CNKSR2: variants seen among roughly 807,000 people sequenced by gnomAD.
The protein encoded by CNKSR2 is CNK homolog protein 2.
In CNKSR2, 14 loss-of-function variants were observed where a neutral mutation model predicts 84.4. That is an observed-to-expected ratio of 0.17 (90% CI 0.11 to 0.26). CNKSR2 has a LOEUF of 0.26. Among genes scored for constraint, CNKSR2 ranks in the 10% least tolerant of loss-of-function variants. CNKSR2 has a pLI of 1.00. For synonymous variants in CNKSR2, 275 were observed against 277.9 expected (o/e 0.99, Z 0.10); for missense variants, 485 against 771.2 (o/e 0.63, Z 4.40).
At chrX:21,405,516 C>CT (rs2090252048) in intron 1 of CNKSR2, among the ~76,000 whole-genome samples, 2 of 111,148 alleles carry the variant, frequency 1.8e-5, no homozygotes, top group South Asian at 7.5e-4. Flanking sequence ...AATAAACTTG[C>CT]TTATTGTTCT....
In CNKSR2 at chrX:21,487,452, A is replaced by G. The variant is rs1218574891; in HGVS notation, c.562-3007A>G. The stretch of plus-strand genomic sequence containing the variant: ...AGAGAGCCATTTATATACATCCATT[A>G]CTTTCCTATTTATGTATTGGACTCT... On this transcript the variant is annotated intron_variant, in intron 5 of 21. Transcript: ENST00000379510. 4.5e-5 allele frequency among the ~76,000 whole-genome samples: 5 copies of G among 111,764 alleles called. No individual in the cohort carries two copies. In the South Asian group the frequency reaches 1.9e-3, roughly 42 times the overall value.
rs1177656336 is a variant in CNKSR2 at position 21,434,226 on chromosome X, T to C, written c.431+1412T>C. 6.3e-5 allele frequency among the ~76,000 whole-genome samples: 7 copies of C among 111,813 alleles called. No homozygotes were observed. The East Asian group carries it at 2.0e-3, about 31-fold the overall frequency. On this transcript the variant is annotated intron_variant, in intron 3 of 21. Coordinates refer to ENST00000379510, the MANE Select transcript of CNKSR2 (RefSeq NM_014927.5). ...TTAGTAAATTCATTTATATATTTTTTACCCTAGTATTTGTTAGATGGATAG... is the reference window on the plus strand; with the variant it reads ...TTAGTAAATTCATTTATATATTTTTCACCCTAGTATTTGTTAGATGGATAG...
intron 15 of CNKSR2, 127 bp from the exon 16 acceptor site, chrX:21,594,846 TA>T: frequency 2.2e-6 from 1 of 452,252 alleles, no homozygotes; most frequent in Non-Finnish European, 3.8e-6. Context: ...TTCTTATCTC[TA>T]AAATGTCAAA....
At chrX:21,622,020 C>T (rs1445003581) in intron 20 of CNKSR2, among the ~76,000 whole-genome samples, 1 of 110,147 alleles carries the variant, frequency 9.1e-6, no homozygotes, top group Non-Finnish European at 1.9e-5. Flanking sequence ...AGATAATTTC[C>T]AAAAAGTTTA....
chrX:21,413,874 G>T (rs188943396), intron 1 of CNKSR2, among the ~76,000 whole-genome samples: 64 of 110,800 alleles, frequency 5.8e-4, no homozygotes, highest in Admixed American at 3.8e-4. Flanking sequence ...GTTGCTTCAA[G>T]ATCTTGGCTA....
intron 11 of CNKSR2, among the ~76,000 whole-genome samples, chrX:21,559,129 C>A (rs1331323381): frequency 9.0e-6 from 1 of 111,029 alleles, no homozygotes; most frequent in Non-Finnish European, 1.9e-5. Flanking sequence ...AGAATATTGA[C>A]CTGGATCTAT....
chrX:21,632,990 T>TACAC lies in CNKSR2; in HGVS notation c.2693-15809_2693-15806dup, dbSNP rs200936630. Among the ~76,000 whole-genome samples the TACAC allele has an allele frequency of 9.4e-3, 945 of 100,666 alleles. 7 individuals carry two copies. The highest frequency in any genetic ancestry group is 0.03 in the African/African-American group (826 of 27,803). 87.4% of individuals were successfully genotyped at this position (100,666 alleles called of 115,157 possible). A position where few individuals can be genotyped will look rare whatever the true frequency, so the allele number is the denominator to read the frequency against. ...CATGTGTATACACACTTATATAATA[T>TACAC]ACACACACACACACACACACACACA... On this transcript the variant is annotated intron_variant, in intron 20 of 21. Coordinates refer to ENST00000379510, the MANE Select transcript of CNKSR2 (RefSeq NM_014927.5).
At chrX:21,551,876 TA>T (rs774907802) in intron 11 of CNKSR2, among the ~76,000 whole-genome samples, 1 of 111,609 alleles carries the variant, frequency 9.0e-6, no homozygotes, top group Non-Finnish European at 1.9e-5. Context: ...GATTGCCTTA[TA>T]TTTTTTTAAT....
chrX:21,619,453 C>T (rs2147300046), intron 20 of CNKSR2, among the ~76,000 whole-genome samples: 1 of 111,437 alleles, frequency 9.0e-6, no homozygotes, highest in African/African-American at 3.2e-5. Flanking sequence ...TTTCCTTCCA[C>T]ATTTGAAATC....
intron 1 of CNKSR2, among the ~76,000 whole-genome samples, chrX:21,420,483 G>C (rs188660837): frequency 8.9e-6 from 1 of 111,765 alleles, no homozygotes; most frequent in Non-Finnish European, 1.9e-5. Context: ...ATTGTGCCCC[G>C]TAGTCAACCG....
intron 20 of CNKSR2, among the ~76,000 whole-genome samples, chrX:21,629,123 T>C (rs1389059597): frequency 8.9e-6 from 1 of 112,557 alleles, no homozygotes; most frequent in African/African-American, 3.2e-5. Context: ...GTCTCTTTGC[T>C]AAAACATAAT....
rs754746285 is a variant in CNKSR2, at chrX:21,652,490, A to G, written c.3074A>G (p.His1025Arg). 8.3e-7 allele frequency: 1 copy of G among 1,206,436 alleles called. No individual in the cohort carries two copies. Among genetic ancestry groups the G allele is most frequent in the Admixed American group, 2.2e-5 (1 of 45,808 alleles). The change falls in exon 22 of 22, where the codon CAC becomes CGC. Residue 1025 changes from histidine to arginine, a missense_variant. Around this residue, in one of 5 missense-constraint regions of CNKSR2, gnomAD observed 210 missense variants for 291.5 expected, o/e 0.72. Transcript: ENST00000379510. ...GATGTAATCACTTCCTCTCTAGCAC[A>G]CACTCATTCATACATTGAAACGCAT... The part of the protein sequence containing the change: ...EVDVITSSLA[H>R]THSYIETHV
chrX:21,495,783 CAAAAAAAAAAAAAAAAAAAAAAAAAAA>C (rs55689293), intron 6 of CNKSR2: 1 of 6,961 alleles, frequency 1.4e-4, no homozygotes, highest in Non-Finnish European at 2.5e-4. Flanking sequence ...AGCTCCGTCT[CAAAAAAAAAAAAAAAAAAAAAAAAAAA>C]AAAAAAAAAA....
In CNKSR2 at chrX:21,576,745, A is replaced by G. The variant is rs760709217; in HGVS notation, c.1608+13293A>G. On this transcript the variant is annotated intron_variant, in intron 13 of 21. Coordinates refer to ENST00000379510, the MANE Select transcript of CNKSR2 (RefSeq NM_014927.5). ...TGTGCCTGTAAGTTTATCAGTTCAG[A>G]TGAAATGGACCAATTCCTCAAAACA... is the stretch of plus-strand genomic sequence containing the variant. 1.3e-3 allele frequency among the ~76,000 whole-genome samples: 141 copies of G among 111,823 alleles called. 5 individuals are homozygous for G. The highest frequency in any genetic ancestry group is 8.3e-4 in the Non-Finnish European group (44 of 53,040).
intron 1 of CNKSR2, among the ~76,000 whole-genome samples, chrX:21,399,311 G>A (rs1042003729): frequency 5.4e-5 from 6 of 110,611 alleles, no homozygotes; most frequent in African/African-American, 2.0e-4. Context: ...TAATCCAATG[G>A]CTACTTTCTG....
chrX:21,597,015 G>A (rs73451493), intron 17 of CNKSR2, among the ~76,000 whole-genome samples: 3,001 of 111,104 alleles, frequency 0.027, 94 homozygotes, highest in African/African-American at 0.093. Flanking sequence ...GGATAAATAC[G>A]AAGAATTTTC....
intron 4 of CNKSR2, among the ~76,000 whole-genome samples, chrX:21,451,144 A>G (rs1355539256): frequency 1.8e-5 from 2 of 112,074 alleles, no homozygotes; most frequent in African/African-American, 6.5e-5. Context: ...GTGCAATAAA[A>G]TATTGATAAC....
chrX:21,562,216 G>A (rs560392015), intron 12 of CNKSR2, among the ~76,000 whole-genome samples: 1 of 110,670 alleles, frequency 9.0e-6, no homozygotes, highest in East Asian at 2.8e-4. Context: ...ATCAAGTGTG[G>A]GTATGGTGGG....
At chrX:21,428,009 T>C (rs1843279628) in intron 2 of CNKSR2, 1 of 111,708 alleles carries the variant, frequency 9.0e-6, no homozygotes, top group African/African-American at 3.2e-5. Context: ...TCAGAGAAAA[T>C]TGAGAATTTT....
Sources: gnomAD v4.1 joint callset for allele counts (sites outside exome capture counted in the v4.1 genomes callset) on GRCh38, gnomAD v4.1.1 for gene constraint, gnomAD v4.1.1 regional missense constraint, MANE v1.5 for transcripts, NCBI Gene and HGNC (gene_info 2026-07-23, HGNC 2026-07-21) for gene names.